Variants in PLCG2 observed in about 807,000 individuals in gnomAD.
The protein encoded by PLCG2 is 1-phosphatidylinositol 4,5-bisphosphate phosphodiesterase gamma-2.
PLCG2 carries 69 observed loss-of-function variants against 175.6 expected under a neutral mutation model. The ratio of observed to expected loss-of-function variants is 0.39; its 90% CI spans 0.32 to 0.48. PLCG2 has a LOEUF of 0.48. Among genes scored for constraint, PLCG2 ranks in the 20% least tolerant of loss-of-function variants. PLCG2 has a pLI of 0.91. For missense variants in PLCG2, 1,798 were observed against 1,650.9 expected (o/e 1.09, Z -1.54); for synonymous variants, 827 against 624.0 (o/e 1.33, Z -4.85).
intron 2 of PLCG2, among the ~76,000 whole-genome samples, chr16:81,846,303 C>G (rs547638042): frequency 6.6e-6 from 1 of 152,150 alleles, no homozygotes; most frequent in African/African-American, 2.4e-5. Context: ...GACATCCCCC[C>G]GCCACTCCCT....
At chr16:81,756,977 T>C (rs968393677) in intron 2 of PLCG2, among the ~76,000 whole-genome samples, 1 of 152,200 alleles carries the variant, frequency 6.6e-6, no homozygotes, top group South Asian at 2.1e-4. Flanking sequence ...TTGCTGCTAC[T>C]TTGGGCAAAG....
chr16:81,856,358 G>A (rs1029133478), intron 3 of PLCG2, among the ~76,000 whole-genome samples: 2 of 152,186 alleles, frequency 1.3e-5, no homozygotes, highest in Non-Finnish European at 2.9e-5. Context: ...CCTCCTGAAT[G>A]TTACACAGCC....
chr16:81,781,388 C>G (rs1910724038), intron 1 of PLCG2, among the ~76,000 whole-genome samples: 1 of 150,268 alleles, frequency 6.7e-6, no homozygotes, highest in South Asian at 2.1e-4. Context: ...AGGAGGCCCC[C>G]CACATTGATG....
intron 2 of PLCG2, among the ~76,000 whole-genome samples, chr16:81,758,740 C>G (rs1265034635): frequency 6.6e-6 from 1 of 151,134 alleles, no homozygotes; most frequent in African/African-American, 2.4e-5. Context: ...TGCAGTGGCA[C>G]AATCTCAGCT....
At chr16:81,913,139 T>A (rs12924579) in intron 19 of PLCG2, among the ~76,000 whole-genome samples, 68,057 of 152,030 alleles carry the variant, frequency 0.45, 16,284 homozygotes, top group East Asian at 0.78. Context: ...CTGCAGCTGC[T>A]GCCCAACCAC....
intron 2 of PLCG2, among the ~76,000 whole-genome samples, chr16:81,764,902 C>A (rs1011663524): frequency 6.6e-6 from 1 of 151,874 alleles, no homozygotes; most frequent in African/African-American, 2.4e-5. Context: ...CCAGCCTGGA[C>A]AAAACTGAGA....
intron 1 of PLCG2, among the ~76,000 whole-genome samples, chr16:81,780,687 C>G (rs934139499): frequency 3.3e-5 from 5 of 152,190 alleles, no homozygotes; most frequent in Admixed American, 2.6e-4. Context: ...CCCTTTTGCA[C>G]TCATTGGGTA....
chr16:81,916,296 A>C (rs996335647), intron 19 of PLCG2, among the ~76,000 whole-genome samples: 12 of 92,590 alleles, frequency 1.3e-4, no homozygotes, highest in African/African-American at 5.7e-4. Flanking sequence ...TTTTAAAAAA[A>C]GAAAAAAAAC....
intron 32 of PLCG2, among the ~76,000 whole-genome samples, chr16:81,957,378 G>C (rs56105557): frequency 0.024 from 3,622 of 152,264 alleles, 62 homozygotes; most frequent in Middle Eastern, 0.048. Flanking sequence ...TTAACCTACA[G>C]TAATACCTTA....
Position 81,824,046 on chromosome 16 carries a change from TTCCTGTCCTGTCCTG to T in PLCG2, c.194-30363_194-30349del, listed in dbSNP as rs71146049. Among the ~76,000 whole-genome samples the T allele has an allele frequency of 7.4e-3, 800 of 108,646 alleles. 16 individuals carry two copies. The highest frequency in any genetic ancestry group is 0.024 in the African/African-American group (550 of 23,346). The allele number at this position is 108,646 out of a possible 152,430, so 71.3% of individuals were successfully genotyped here. ...TTCCTTTCCTTTCCTTTCCTTTCCT[TTCCTGTCCTGTCCTG>T]TCCTGTCCTGTCCTGTCCTGTCCTG... On this transcript the variant is annotated intron_variant, in intron 2 of 32. Coordinates refer to ENST00000564138, the MANE Select transcript of PLCG2 (RefSeq NM_002661.5).
rs1365206290 is a variant in PLCG2 at position 81,891,507 on chromosome 16, C to T, written c.903C>T (p.Ile301=). ...ACCTGTTTTCACGAGAAAACAGCATCTGGGATGAGAAGTATGACGCGGTGG... is the reference window on the plus strand; with the variant it reads ...ACCTGTTTTCACGAGAAAACAGCATTTGGGATGAGAAGTATGACGCGGTGG... ...LTYLFSRENS[I]WDEKYDAVDM... Residue 301 remains isoleucine, a synonymous_variant, in exon 11 of 33, where the codon ATC becomes ATT. Transcript: ENST00000564138. 2.5e-6 allele frequency: 4 copies of T among 1,610,776 alleles called. No homozygotes were observed. Among genetic ancestry groups the T allele is most frequent in the South Asian group, 2.2e-5 (2 of 91,036 alleles).
Position 81,919,680 on chromosome 16 carries a change from C to T in PLCG2, c.2235+16C>T. 3 of 1,600,466 alleles carry T rather than the reference C, an allele frequency of 1.9e-6. No individual in the cohort carries two copies. Among genetic ancestry groups the T allele is most frequent in the Non-Finnish European group, 2.6e-6 (3 of 1,169,458 alleles). On this transcript the variant is annotated intron_variant, in intron 20 of 32. Coordinates refer to ENST00000564138, the MANE Select transcript of PLCG2 (RefSeq NM_002661.5). ...CTACAATATGGTAGGTGGTGGACTCCCTTGTGATTTGGTGGGATTTCTTGT... is the reference window on the plus strand; with the variant it reads ...CTACAATATGGTAGGTGGTGGACTCTCTTGTGATTTGGTGGGATTTCTTGT...
intron 7 of PLCG2, among the ~76,000 whole-genome samples, chr16:81,872,233 C>T (rs1907550563): frequency 6.6e-6 from 1 of 152,162 alleles, no homozygotes; most frequent in South Asian, 2.1e-4. Flanking sequence ...GAGGGTAAGG[C>T]AGGAGAATCA....
chr16:81,782,077 C>G (rs936666057), intron 1 of PLCG2, among the ~76,000 whole-genome samples: 24 of 152,188 alleles, frequency 1.6e-4, no homozygotes, highest in East Asian at 3.9e-4. Context: ...GGGGTTTCAT[C>G]GTGTTAGCCA....
chr16:81,916,331 AT>A (rs1909841636), intron 19 of PLCG2, among the ~76,000 whole-genome samples: 1 of 152,210 alleles, frequency 6.6e-6, no homozygotes, highest in Non-Finnish European at 1.5e-5. Context: ...AAAGAAAAAA[AT>A]AAATATTTTA....
intron 2 of PLCG2, 90 bp from the exon 3 acceptor site, chr16:81,854,354 C>A: frequency 8.3e-7 from 1 of 1,205,198 alleles, no homozygotes; most frequent in Middle Eastern, 1.9e-4. Context: ...AAGGAAGGAG[C>A]CAGGCTGTGC....
intron 2 of PLCG2, among the ~76,000 whole-genome samples, chr16:81,831,444 G>A (rs1905254831): frequency 1.3e-5 from 2 of 152,216 alleles, no homozygotes; most frequent in Admixed American, 6.5e-5. Flanking sequence ...ACTTGGCCAT[G>A]AACTTGGTCT....
In PLCG2 at chr16:81,937,752, TC is replaced by T. The variant is rs1567541298; in HGVS notation, c.3053-3del. On this transcript the variant is annotated splice_region_variant and splice_polypyrimidine_tract_variant and intron_variant, in intron 27 of 32. Coordinates refer to ENST00000564138, the MANE Select transcript of PLCG2 (RefSeq NM_002661.5). The stretch of plus-strand genomic sequence containing the variant: ...ACTTACAGCAGGCGTTCACTTTCCT[TC>T]CCAGATAAGTACATGCAGATGAATC... 2.5e-6 allele frequency: 4 copies of T among 1,612,626 alleles called. No individual in the cohort carries two copies. The highest frequency in any genetic ancestry group is 3.4e-6 in the Non-Finnish European group (4 of 1,179,198).
At chr16:81,931,727 G>A (rs987668626) in intron 25 of PLCG2, 73 bp downstream of exon 25, 31 of 1,396,180 alleles carry the variant, frequency 2.2e-5, no homozygotes, top group African/African-American at 2.8e-5. Context: ...GGGACTGTGG[G>A]TGGGTCCAGG....
Sources: gnomAD v4.1 joint callset for allele counts (sites outside exome capture counted in the v4.1 genomes callset) on GRCh38, gnomAD v4.1.1 for gene constraint, MANE v1.5 for transcripts, NCBI Gene and HGNC (gene_info 2026-07-23, HGNC 2026-07-21) for gene names.